Variants in PPP1R16B observed in about 807,000 individuals in gnomAD.
PPP1R16B encodes the protein protein phosphatase 1 regulatory subunit 16B.
PPP1R16B carries 14 observed loss-of-function variants against 61.7 expected under a neutral mutation model. The observed-to-expected ratio is 0.23, with a 90% CI of 0.15 to 0.35. The LOEUF (loss-of-function observed/expected upper bound fraction) is 0.35. Among genes scored for constraint, PPP1R16B ranks in the 10% least tolerant of loss-of-function variants. The pLI, the probability that PPP1R16B is intolerant of heterozygous loss-of-function variation, is 1.00. For synonymous variants in PPP1R16B, 266 were observed against 305.3 expected (o/e 0.87, Z 1.34); for missense variants, 547 against 752.5 (o/e 0.73, Z 3.19).
chr20:38,846,848 T>G (rs955207659), intron 2 of PPP1R16B, among the ~76,000 whole-genome samples: 1 of 151,940 alleles, frequency 6.6e-6, no homozygotes, highest in Admixed American at 6.6e-5. Flanking sequence ...TACACGAAAT[T>G]TAAAAAATTA....
chr20:38,875,850 G>C (rs1443893735), intron 2 of PPP1R16B, among the ~76,000 whole-genome samples: 3 of 151,822 alleles, frequency 2.0e-5, no homozygotes, highest in Admixed American at 6.6e-5. Context: ...GGCCCGATCT[G>C]TCTGTTCCCT....
chr20:38,900,784 G>A lies in PPP1R16B; in HGVS notation c.571+100G>A, dbSNP rs550839395. 7 of 839,114 alleles carry A rather than the reference G, an allele frequency of 8.3e-6. 1 individual carries two copies. In the African/African-American group the frequency reaches 1.3e-4, roughly 15 times the overall value. 52.0% of individuals were successfully genotyped at this position (839,114 alleles called of 1,614,324 possible). On this transcript the variant is annotated intron_variant, in intron 5 of 10. Coordinates refer to ENST00000299824, the MANE Select transcript of PPP1R16B (RefSeq NM_015568.4). The stretch of plus-strand genomic sequence containing the variant: ...GAACAGATTAGCTACGCATCGGCCT[G>A]CCTCGTGCGCTGTGCTCAGTGAATA...
chr20:38,900,117 T>C (rs996076634), intron 4 of PPP1R16B, among the ~76,000 whole-genome samples: 35 of 152,226 alleles, frequency 2.3e-4, no homozygotes, highest in African/African-American at 7.9e-4. Context: ...TGTTTCCCCT[T>C]GCGTGAGATG....
At chr20:38,906,957 T>C in intron 7 of PPP1R16B, 22 bp from the exon 8 acceptor site, 2 of 1,605,192 alleles carry the variant, frequency 1.2e-6, no homozygotes, top group South Asian at 1.1e-5. Flanking sequence ...GGGGGACACA[T>C]GAGCTTCTTC....
intron 2 of PPP1R16B, among the ~76,000 whole-genome samples, chr20:38,850,313 A>G (rs1043840355): frequency 6.6e-6 from 1 of 152,100 alleles, no homozygotes; most frequent in African/African-American, 2.4e-5. Flanking sequence ...TCTCCCAAAC[A>G]CATGGACTGA....
intron 2 of PPP1R16B, among the ~76,000 whole-genome samples, chr20:38,860,205 T>C (rs2085038662): frequency 6.6e-6 from 1 of 152,148 alleles, no homozygotes; most frequent in African/African-American, 2.4e-5. Context: ...TGACCTCAGG[T>C]GATCCTCCCG....
At chr20:38,888,013 G>A (rs143338357) in intron 2 of PPP1R16B, among the ~76,000 whole-genome samples, 123 of 152,350 alleles carry the variant, frequency 8.1e-4, no homozygotes, top group African/African-American at 2.9e-3. Context: ...GGCACCCCCT[G>A]GAGTTGCTGA....
At chr20:38,851,562 T>C (rs1470050067) in intron 2 of PPP1R16B, among the ~76,000 whole-genome samples, 1 of 152,192 alleles carries the variant, frequency 6.6e-6, no homozygotes, top group East Asian at 1.9e-4. Context: ...TAGCAATTCA[T>C]GCACAGACAT....
At chr20:38,886,790 C>T (rs1179955054) in intron 2 of PPP1R16B, among the ~76,000 whole-genome samples, 2 of 152,206 alleles carry the variant, frequency 1.3e-5, no homozygotes, top group Non-Finnish European at 1.5e-5. Flanking sequence ...AACTAGAGGG[C>T]TGCCAATTGG....
At chr20:38,814,150 A>G (rs1451202343) in intron 1 of PPP1R16B, among the ~76,000 whole-genome samples, 2 of 152,142 alleles carry the variant, frequency 1.3e-5, no homozygotes, top group Admixed American at 1.3e-4. Flanking sequence ...TGAAGCAGAG[A>G]GGTTCAATGT....
At chr20:38,912,035 C>T (rs1030079770) in intron 10 of PPP1R16B, among the ~76,000 whole-genome samples, 1 of 151,706 alleles carries the variant, frequency 6.6e-6, no homozygotes, top group Non-Finnish European at 1.5e-5. Flanking sequence ...TTCCAAGGTG[C>T]CTTGTACCTG....
chr20:38,846,954 A>C (rs75784177), intron 2 of PPP1R16B, among the ~76,000 whole-genome samples: 3,889 of 152,298 alleles, frequency 0.026, 85 homozygotes, highest in Admixed American at 0.07. Flanking sequence ...GTAAGCTGTG[A>C]TTGTGCCACT....
Position 38,918,409 on chromosome 20 carries a change from C to G in PPP1R16B, c.1447C>G (p.Leu483Val), listed in dbSNP as rs139965092. The change falls in exon 11 of 11, where the codon CTG (leucine) becomes GTG (valine). Residue 483 changes from leucine to valine, a missense_variant. Transcript: ENST00000299824. This position sits in a 1 kb window ranked among gnomAD's most constrained non-coding sequence, Gnocchi z 5.3. Reference protein sequence around the residue: ...KEQSPQTLLELKRQRAAAKLL... With the variant: ...KEQSPQTLLEVKRQRAAAKLL... Reference sequence around the variant, plus strand: ...ACAGAGCCCTCAGACGCTTCTGGAGCTGAAGCGGCAGCGGGCTGCAGCCAA... The same window carrying G: ...ACAGAGCCCTCAGACGCTTCTGGAGGTGAAGCGGCAGCGGGCTGCAGCCAA... The G allele has an allele frequency of 9.3e-6, 15 of 1,614,152 alleles. No individual in the cohort carries two copies. The highest frequency in any genetic ancestry group is 1.2e-5 in the Non-Finnish European group (14 of 1,180,036).
chr20:38,873,534 C>T (rs910705610), intron 2 of PPP1R16B, among the ~76,000 whole-genome samples: 1 of 152,090 alleles, frequency 6.6e-6, no homozygotes, highest in African/African-American at 2.4e-5. Context: ...GGCTCAGGGT[C>T]TCTCAGGAGG....
intron 4 of PPP1R16B, among the ~76,000 whole-genome samples, chr20:38,900,262 G>A (rs1257225075): frequency 6.6e-6 from 1 of 152,162 alleles, no homozygotes; most frequent in African/African-American, 2.4e-5. Flanking sequence ...TTTTGTTATT[G>A]TCACCAGGAG....
chr20:38,874,297 G>A lies in PPP1R16B; in HGVS notation c.251-15298G>A, dbSNP rs548719215. On this transcript the variant is annotated intron_variant, in intron 2 of 10. Transcript: ENST00000299824. Reference sequence around the variant, plus strand: ...TGAAGACTGGGCCCTACATTCCTGAGGGGTGCCTGCTGGAGCCAGGAGGTG... The same window carrying A: ...TGAAGACTGGGCCCTACATTCCTGAAGGGTGCCTGCTGGAGCCAGGAGGTG... Among the ~76,000 whole-genome samples the A allele has an allele frequency of 5.3e-5, 8 of 152,282 alleles. No homozygotes were observed. The South Asian group carries it at 1.7e-3, about 32-fold the overall frequency.
intron 2 of PPP1R16B, among the ~76,000 whole-genome samples, chr20:38,886,690 G>A (rs731671): frequency 0.47 from 71,384 of 152,112 alleles, 17,659 homozygotes; most frequent in East Asian, 0.71. Context: ...GCGAGCAGAG[G>A]ACTGCCTGCT....
chr20:38,825,436 G>C (rs566577640), intron 1 of PPP1R16B, among the ~76,000 whole-genome samples: 1 of 152,252 alleles, frequency 6.6e-6, no homozygotes, highest in African/African-American at 2.4e-5. Context: ...GGAGATAAGG[G>C]GACATTTTGG....
intron 1 of PPP1R16B, among the ~76,000 whole-genome samples, chr20:38,827,458 A>G (rs1379597389): frequency 6.6e-6 from 1 of 152,196 alleles, no homozygotes; most frequent in Non-Finnish European, 1.5e-5. Context: ...CCCAACACAC[A>G]CAAAGTCCTG....
Sources: gnomAD v4.1 joint callset for allele counts (sites outside exome capture counted in the v4.1 genomes callset) on GRCh38, gnomAD v4.1.1 for gene constraint, Gnocchi (gnomAD v3.1) non-coding constraint, MANE v1.5 for transcripts, NCBI Gene and HGNC (gene_info 2026-07-23, HGNC 2026-07-21) for gene names.